Variants in MTREX observed in about 807,000 individuals in gnomAD.
MTREX encodes the protein Mtr4 exosome RNA helicase.
Under a neutral mutation model 135.4 loss-of-function variants are expected in MTREX, and 76 were observed. That is an observed-to-expected ratio of 0.56 (90% CI 0.47 to 0.68). The LOEUF is 0.68. Ranked by LOEUF, MTREX falls within the 30% of genes least tolerant of loss-of-function variation. The pLI is 0.00. For synonymous variants in MTREX, 404 were observed against 401.6 expected (o/e 1.01, Z -0.07); for missense variants, 920 against 1,262.1 (o/e 0.73, Z 4.11).
chr5:55,339,199 C>A (rs1475582359), intron 5 of MTREX, among the ~76,000 whole-genome samples: 2 of 151,974 alleles, frequency 1.3e-5, no homozygotes, highest in Non-Finnish European at 2.9e-5. Flanking sequence ...GTCATACTTT[C>A]CTGTTTGTTT....
intron 11 of MTREX, 95 bp from the exon 12 acceptor site, chr5:55,349,478 C>G: frequency 1.4e-6 from 1 of 729,870 alleles, no homozygotes; most frequent in Non-Finnish European, 2.4e-6. Context: ...CTTGGGACAC[C>G]ACGCCTGGCC....
intron 1 of MTREX, among the ~76,000 whole-genome samples, chr5:55,310,612 A>G (rs528847926): frequency 6.6e-6 from 1 of 152,284 alleles, no homozygotes; most frequent in Admixed American, 6.5e-5. Flanking sequence ...CATCTCAAAA[A>G]AAAAAAGAGA....
chr5:55,414,835 A>G (rs1750941804), intron 24 of MTREX, among the ~76,000 whole-genome samples: 1 of 152,042 alleles, frequency 6.6e-6, no homozygotes, highest in Non-Finnish European at 1.5e-5. Flanking sequence ...TTTTTAGTAG[A>G]GACGAGGTTT....
In MTREX at chr5:55,416,230, T is replaced by C. The variant is rs1192192038; in HGVS notation, c.2971+98T>C. 5.4e-6 allele frequency: 4 copies of C among 743,108 alleles called. No homozygotes were observed. The African/African-American group carries it at 7.5e-5, about 14-fold the overall frequency. 46.0% of individuals were successfully genotyped at this position (743,108 alleles called of 1,614,324 possible). A position where few individuals can be genotyped will look rare whatever the true frequency, so the allele number is the denominator to read the frequency against. On this transcript the variant is annotated intron_variant, in intron 25 of 26. Transcript: ENST00000230640. ...CAAGTATAATATGTATTTTTAATAT[T>C]TGGTAACTAAATGAAATCTTCTCCC...
intron 5 of MTREX, among the ~76,000 whole-genome samples, chr5:55,337,854 T>C (rs1749578615): frequency 6.6e-6 from 1 of 152,072 alleles, no homozygotes; most frequent in African/African-American, 2.4e-5. Flanking sequence ...TATCTTTTAG[T>C]GTACCATTTT....
At chr5:55,421,618 G>C (rs900529703) in intron 25 of MTREX, among the ~76,000 whole-genome samples, 3 of 152,194 alleles carry the variant, frequency 2.0e-5, no homozygotes, top group African/African-American at 7.2e-5. Flanking sequence ...GTTAACACGA[G>C]TTACTAAAAT....
intron 18 of MTREX, among the ~76,000 whole-genome samples, chr5:55,386,395 G>GT (rs1189909797): frequency 1.3e-5 from 2 of 152,040 alleles, no homozygotes; most frequent in African/African-American, 4.8e-5. Flanking sequence ...CACTTAACTA[G>GT]TTTTTTTATC....
intron 1 of MTREX, 129 bp downstream of exon 1, chr5:55,308,276 A>G (rs765751923): frequency 3.2e-5 from 37 of 1,171,536 alleles, no homozygotes; most frequent in Non-Finnish European, 3.7e-5. Flanking sequence ...AAGGGGTTCC[A>G]GAAAAAAGTT....
intron 3 of MTREX, among the ~76,000 whole-genome samples, chr5:55,325,260 G>GT (rs1017312303): frequency 7.3e-5 from 11 of 149,782 alleles, no homozygotes; most frequent in Non-Finnish European, 1.5e-4. Context: ...GATTCAGGAG[G>GT]TGGTACATAT....
intron 19 of MTREX, among the ~76,000 whole-genome samples, chr5:55,393,422 CATGACTTG>C (rs2111576659): frequency 1.3e-5 from 2 of 152,212 alleles, no homozygotes; most frequent in East Asian, 3.9e-4. Context: ...CTGTGTGTGC[CATGACTTG>C]ATTAAAATTC....
intron 26 of MTREX, chr5:55,424,116 A>T (rs1751105150): frequency 6.6e-6 from 1 of 151,744 alleles, no homozygotes. Context: ...CTTCCCTATA[A>T]TTTTTTTTAT....
chr5:55,344,682 G>A, intron 9 of MTREX, 62 bp downstream of exon 9: 1 of 968,254 alleles, frequency 1.0e-6, no homozygotes, highest in Non-Finnish European at 1.5e-6. Context: ...ATATCTTGTT[G>A]TTGTTGTTTT....
intron 2 of MTREX, among the ~76,000 whole-genome samples, chr5:55,323,063 A>G (rs745668935): frequency 1.3e-5 from 2 of 152,008 alleles, no homozygotes; most frequent in African/African-American, 2.4e-5. Flanking sequence ...TGGCACTACC[A>G]TGAAGAGTTT....
chr5:55,406,093 C>T (rs1750800299), intron 22 of MTREX, among the ~76,000 whole-genome samples: 3 of 152,164 alleles, frequency 2.0e-5, no homozygotes, highest in African/African-American at 7.2e-5. Context: ...GATTTTACAA[C>T]AGAACTTATT....
chr5:55,326,194 T>TGA (rs2112036691), intron 3 of MTREX, among the ~76,000 whole-genome samples: 1 of 152,142 alleles, frequency 6.6e-6, no homozygotes. Context: ...GTCAGGAGTT[T>TGA]GAGACCAGTC....
chr5:55,349,506 T>C lies in MTREX; in HGVS notation c.1241-67T>C, dbSNP rs1749793081. On this transcript the variant is annotated intron_variant, in intron 11 of 26. Coordinates refer to ENST00000230640, the MANE Select transcript of MTREX (RefSeq NM_015360.5). Reference sequence around the variant, plus strand: ...GCCTGGCCTTTAGATTCTTATTCTTTGTAATGTGTGAAGTTTGGTATCACT... The same window carrying C: ...GCCTGGCCTTTAGATTCTTATTCTTCGTAATGTGTGAAGTTTGGTATCACT... The C allele has an allele frequency of 2.7e-5, 23 of 856,690 alleles. No individual in the cohort carries two copies. The South Asian group carries it at 3.1e-4, about 12-fold the overall frequency. The allele number at this position is 856,690 out of a possible 1,614,324, so 53.1% of individuals were successfully genotyped here.
At chr5:55,413,518 T>G (rs1444906289) in intron 23 of MTREX, among the ~76,000 whole-genome samples, 1 of 152,192 alleles carries the variant, frequency 6.6e-6, no homozygotes, top group Non-Finnish European at 1.5e-5. Flanking sequence ...TATTTTTCTT[T>G]GACAGGGCAG....
At chr5:55,378,549 A>G in intron 17 of MTREX, 63 bp downstream of exon 17, 2 of 1,474,858 alleles carry the variant, frequency 1.4e-6, no homozygotes, top group East Asian at 2.5e-5. Context: ...TTTTTGTTAA[A>G]GATTCTAATT....
chr5:55,366,659 A>G, intron 15 of MTREX, 66 bp from the exon 16 acceptor site: 2 of 1,194,568 alleles, frequency 1.7e-6, no homozygotes, highest in Non-Finnish European at 2.3e-6. Context: ...GCATTATAGT[A>G]GGTTAAAGGT....
Sources: allele counts gnomAD v4.1 joint callset (sites outside exome capture counted in the v4.1 genomes callset), GRCh38; gene constraint gnomAD v4.1.1; transcripts MANE v1.5; gene names NCBI Gene and HGNC (gene_info 2026-07-23, HGNC 2026-07-21).